The following GPC6 variants were observed in gnomAD, a reference collection of about 807,000 sequenced individuals.
GPC6 encodes the protein glypican 6.
Under a neutral mutation model 55.2 loss-of-function variants are expected in GPC6, and 14 were observed. That is an observed-to-expected ratio of 0.25 (90% CI 0.17 to 0.40). The LOEUF (loss-of-function observed/expected upper bound fraction) is 0.40. Ranked by LOEUF, GPC6 falls within the 10% of genes least tolerant of loss-of-function variation. The pLI is 1.00. For missense variants in GPC6, 641 were observed against 708.5 expected (o/e 0.90, Z 1.08); for synonymous variants, 278 against 259.6 (o/e 1.07, Z -0.68).
chr13:94,113,631 G>A (rs991886639), intron 4 of GPC6, among the ~76,000 whole-genome samples: 4 of 152,094 alleles, frequency 2.6e-5, no homozygotes, highest in Admixed American at 2.6e-4. Flanking sequence ...AAATGAAGGA[G>A]CCATAGGATG....
intron 2 of GPC6, among the ~76,000 whole-genome samples, chr13:93,788,259 C>T (rs2138917513): frequency 6.6e-6 from 1 of 152,150 alleles, no homozygotes; most frequent in African/African-American, 2.4e-5. Flanking sequence ...GGTAAGAATG[C>T]TATGTCCTTA....
At chr13:93,652,202 A>T (rs527279316) in intron 2 of GPC6, among the ~76,000 whole-genome samples, 46 of 152,198 alleles carry the variant, frequency 3.0e-4, no homozygotes, top group African/African-American at 1.1e-3. Flanking sequence ...CTATCTTCAT[A>T]TATTTTCCAG....
chr13:93,519,376 AGT>A (rs1192126388), intron 1 of GPC6, among the ~76,000 whole-genome samples: 1 of 152,022 alleles, frequency 6.6e-6, no homozygotes, highest in African/African-American at 2.4e-5. Context: ...CTTCCGTAAA[AGT>A]GGGGCAATTT....
At chr13:93,232,412 C>T (rs1876091840) in intron 1 of GPC6, among the ~76,000 whole-genome samples, 1 of 152,078 alleles carries the variant, frequency 6.6e-6, no homozygotes, top group South Asian at 2.1e-4. Context: ...GGTATCAAAG[C>T]AATCTAAAAG....
chr13:93,694,264 C>T (rs960263764), intron 2 of GPC6, among the ~76,000 whole-genome samples: 1 of 152,086 alleles, frequency 6.6e-6, no homozygotes, highest in Admixed American at 6.6e-5. Flanking sequence ...TGAAATGCAA[C>T]GTGAAGTGGT....
chr13:94,144,822 G>A (rs139400920), intron 4 of GPC6, among the ~76,000 whole-genome samples: 154 of 152,114 alleles, frequency 1.0e-3, no homozygotes, highest in African/African-American at 3.3e-3. Flanking sequence ...AATTTTAGCA[G>A]TTCTTAAAAT....
chr13:93,946,190 A>G (rs1371266315), intron 3 of GPC6, among the ~76,000 whole-genome samples: 2 of 152,216 alleles, frequency 1.3e-5, no homozygotes, highest in Non-Finnish European at 2.9e-5. Context: ...GAATAATAGC[A>G]TTATGTTGTA....
chr13:94,290,429 T>TAAAAAAAAA (rs532958421), intron 5 of GPC6, among the ~76,000 whole-genome samples: 3 of 99,034 alleles, frequency 3.0e-5, no homozygotes, highest in East Asian at 2.8e-4. Flanking sequence ...TCTAGAAAGG[T>TAAAAAAAAA]AAAAAAAAAA....
intron 1 of GPC6, among the ~76,000 whole-genome samples, chr13:93,232,236 TG>T (rs1320584898): frequency 6.6e-6 from 1 of 152,190 alleles, no homozygotes; most frequent in African/African-American, 2.4e-5. Flanking sequence ...TTTATCTGCC[TG>T]GTTCAAAGAT....
chr13:94,390,608 GAAC>G (rs1880601015), intron 7 of GPC6, among the ~76,000 whole-genome samples: 1 of 152,056 alleles, frequency 6.6e-6, no homozygotes, highest in South Asian at 2.1e-4. Context: ...TCTATCATGA[GAAC>G]AACACCAAAG....
intron 1 of GPC6, among the ~76,000 whole-genome samples, chr13:93,389,193 C>T (rs965606514): frequency 1.3e-5 from 2 of 151,934 alleles, no homozygotes; most frequent in Non-Finnish European, 2.9e-5. Flanking sequence ...TAGAAATACT[C>T]GTGACTGAAT....
chr13:93,513,394 A>G (rs1278476885), intron 1 of GPC6, among the ~76,000 whole-genome samples: 3 of 152,220 alleles, frequency 2.0e-5, no homozygotes, highest in Admixed American at 6.5e-5. Flanking sequence ...TGTGTTCAAC[A>G]TAAACCTAGC....
At chr13:93,432,966 A>AT (rs1555299798) in intron 1 of GPC6, among the ~76,000 whole-genome samples, 1 of 151,744 alleles carries the variant, frequency 6.6e-6, no homozygotes, top group Non-Finnish European at 1.5e-5. Flanking sequence ...AGAAAAAAGA[A>AT]GAGGGAGAAA....
At chr13:94,081,858 T>TTTTTTTTTTTTTTTG (rs1885109268) in intron 4 of GPC6, among the ~76,000 whole-genome samples, 1 of 151,048 alleles carries the variant, frequency 6.6e-6, no homozygotes. Flanking sequence ...TTTTTTTTTT[T>TTTTTTTTTTTTTTTG]GAGACACAGT....
At chr13:93,406,431 T>C (rs575952439) in intron 1 of GPC6, among the ~76,000 whole-genome samples, 14 of 152,266 alleles carry the variant, frequency 9.2e-5, no homozygotes, top group African/African-American at 3.4e-4. Context: ...ACCCAGCATC[T>C]TTTCTGTCCC....
chr13:94,064,827 A>G (rs1165079978), intron 4 of GPC6, among the ~76,000 whole-genome samples: 2 of 152,118 alleles, frequency 1.3e-5, no homozygotes, highest in Non-Finnish European at 2.9e-5. Context: ...TAAAATAGAC[A>G]TTGTCATAAT....
At chr13:93,373,210 A>G (rs1874746476) in intron 1 of GPC6, among the ~76,000 whole-genome samples, 1 of 152,176 alleles carries the variant, frequency 6.6e-6, no homozygotes, top group Non-Finnish European at 1.5e-5. Flanking sequence ...AATGTAATGA[A>G]TGGACAGGCT....
intron 1 of GPC6, among the ~76,000 whole-genome samples, chr13:93,499,091 T>TGA (rs1555305603): frequency 7.5e-6 from 1 of 133,626 alleles, no homozygotes; most frequent in African/African-American, 2.5e-5. Context: ...TCCTTAATTG[T>TGA]CACACACACA....
At chr13:94,247,910 C>A (rs1333990220) in intron 4 of GPC6, among the ~76,000 whole-genome samples, 2 of 151,942 alleles carry the variant, frequency 1.3e-5, no homozygotes, top group African/African-American at 4.8e-5. Flanking sequence ...AAACACAGTG[C>A]ATTGCAGCCT....
Sources: gnomAD v4.1 joint callset for allele counts (sites outside exome capture counted in the v4.1 genomes callset) on GRCh38, gnomAD v4.1.1 for gene constraint, MANE v1.5 for transcripts, NCBI Gene and HGNC (gene_info 2026-07-23, HGNC 2026-07-21) for gene names.